Variants in YIF1B observed in about 807,000 individuals in gnomAD.
YIF1B encodes protein YIF1B.
A neutral mutation model predicts 34.6 loss-of-function variants in YIF1B; 24 were observed. The observed-to-expected ratio is 0.69, with a 90% CI of 0.50 to 0.98. The LOEUF is 0.98. Ranked by LOEUF, YIF1B falls within the 50% of genes least tolerant of loss-of-function variation. The pLI, the probability that YIF1B is intolerant of heterozygous loss-of-function variation, is 0.00. For synonymous variants in YIF1B, 186 were observed against 184.8 expected (o/e 1.01, Z -0.05); for missense variants, 368 against 429.4 (o/e 0.86, Z 1.26).
Position 38,307,608 on chromosome 19 carries a change from G to A in YIF1B, c.684C>T (p.Tyr228=), listed in dbSNP as rs1969113349. 2 of 1,613,762 alleles carry A rather than the reference G, an allele frequency of 1.2e-6. No homozygotes were observed. Among genetic ancestry groups the A allele is most frequent in the African/African-American group, 2.7e-5 (2 of 74,886 alleles). ...GCGGGGGTACTCACCCGACATATTTGTAGCCCAAGAAGGCCACCAGGTCGA... is the reference window on the plus strand; with the variant it reads ...GCGGGGGTACTCACCCGACATATTTATAGCCCAAGAAGGCCACCAGGTCGA... ...TTIDLVAFLG[Y]KYVGMIGGVL... Residue 228 remains tyrosine (Y), a synonymous_variant, in exon 6 of 8, where the codon TAC becomes TAT. Coordinates refer to ENST00000339413, the MANE Select transcript of YIF1B (RefSeq NM_001039672.3).
At position 38,315,888 on chromosome 19, in the gene YIF1B, A is replaced by AGCCGCC; in HGVS notation, c.24_29dup (p.Ala10_Ala11dup). 2.0e-6 allele frequency: 3 copies of AGCCGCC among 1,479,302 alleles called. No individual in the cohort carries two copies. Among genetic ancestry groups the AGCCGCC allele is most frequent in the Non-Finnish European group, 2.7e-6 (3 of 1,124,294 alleles). The allele number at this position is 1,479,302 out of a possible 1,614,324, so 91.6% of individuals were successfully genotyped here. A position where few individuals can be genotyped will look rare whatever the true frequency, so the allele number is the denominator to read the frequency against. On this transcript the variant is annotated inframe_insertion, in exon 1 of 8. Transcript: ENST00000339413. ...ACTTACGCAGCCGGGGCGTCCCCGC[A>AGCCGCC]GCCGCCGCCGCCAAGCCTGCCGGGT...
intron 7 of YIF1B, 52 bp downstream of exon 7, chr19:38,307,376 A>G (rs375247020): frequency 6.3e-7 from 1 of 1,586,146 alleles, no homozygotes; most frequent in Admixed American, 1.7e-5. Flanking sequence ...GGATGCCTGG[A>G]TGCCTCCGGG....
chr19:38,316,711 A>C (rs2145032068), upstream of YIF1B, among the ~76,000 whole-genome samples: 1 of 152,296 alleles, frequency 6.6e-6, no homozygotes, highest in Middle Eastern at 3.4e-3. Flanking sequence ...ATTTATTTTG[A>C]GACAGGGTCT....
chr19:38,309,389 A>T lies in YIF1B; in HGVS notation c.297+16T>A. 1 of 1,612,522 alleles carries T rather than the reference A, an allele frequency of 6.2e-7. No homozygotes were observed. Among genetic ancestry groups the T allele is most frequent in the South Asian group, 1.1e-5 (1 of 90,918 alleles). ...CCCCGTGCATCCCCCCACTCCCACC[A>T]GCCCCGCCCACTCACGTTCTTATCC... On this transcript the variant is annotated intron_variant, in intron 2 of 7. Coordinates refer to ENST00000339413, the MANE Select transcript of YIF1B (RefSeq NM_001039672.3).
At chr19:38,309,760 T>C in intron 1 of YIF1B, 117 bp from the exon 2 acceptor site, 1 of 1,450,932 alleles carries the variant, frequency 6.9e-7, no homozygotes, top group Non-Finnish European at 9.0e-7. Flanking sequence ...GTGTCACCAT[T>C]AGAGACACTG....
At chr19:38,315,724 T>C (rs369858015) in intron 1 of YIF1B, 136 bp downstream of exon 1, 4 of 1,609,676 alleles carry the variant, frequency 2.5e-6, no homozygotes, top group African/African-American at 2.7e-5. Context: ...TACCCGAACC[T>C]GGCATCCCAG....
In YIF1B at chr19:38,304,511, CTGCGGAGGGGCGGGAAGGCTGGGGT is replaced by C; in HGVS notation, c.*816_*840del. The C allele has an allele frequency of 6.4e-7, 1 of 1,563,774 alleles. No homozygotes were observed. Among genetic ancestry groups the C allele is most frequent in the Non-Finnish European group, 8.7e-7 (1 of 1,154,258 alleles). On this transcript the variant is annotated 3_prime_UTR_variant, in exon 8 of 8. Transcript: ENST00000339413. ...CAAAGGTAAGTCGCCTCATCACCGG[CTGCGGAGGGGCGGGAAGGCTGGGGT>C]TGCCCCTGACCCCAGGGTCCTGCCT...
At chr19:38,310,598 G>C (rs1312630188) in intron 1 of YIF1B, among the ~76,000 whole-genome samples, 1 of 152,004 alleles carries the variant, frequency 6.6e-6, no homozygotes, top group Non-Finnish European at 1.5e-5. Context: ...GCGAGAGGAA[G>C]GGGGGGCTAT....
intron 1 of YIF1B, among the ~76,000 whole-genome samples, chr19:38,314,597 AAGGC>A (rs968646961): frequency 6.8e-6 from 1 of 147,858 alleles, no homozygotes; most frequent in African/African-American, 2.5e-5. Context: ...TTGGGAGGCC[AAGGC>A]AGGTGGATCA....
upstream of YIF1B, among the ~76,000 whole-genome samples, chr19:38,318,386 C>T (rs1052852343): frequency 7.2e-5 from 11 of 151,888 alleles, no homozygotes; most frequent in Non-Finnish European, 1.2e-4. Flanking sequence ...TGAGCTCAAA[C>T]GATCCTCCTG....
upstream of YIF1B, chr19:38,316,062 C>G (rs2278436): frequency 1.1e-5 from 14 of 1,224,328 alleles, no homozygotes; most frequent in African/African-American, 1.6e-5. Flanking sequence ...CAGCCCCCCC[C>G]TTCACGGAGG....
rs751237883 is a variant in YIF1B at position 38,304,957 on chromosome 19, C to T, written c.*395G>A. On this transcript the variant is annotated 3_prime_UTR_variant, in exon 8 of 8. Transcript: ENST00000339413. ...GAGAAGGGCAAGAAGAAGGAGGCTCCCCACTGAAGGGCCCTGGACAGGGCT... is the reference window on the plus strand; with the variant it reads ...GAGAAGGGCAAGAAGAAGGAGGCTCTCCACTGAAGGGCCCTGGACAGGGCT... The T allele has an allele frequency of 5.9e-6, 9 of 1,527,014 alleles. No homozygotes were observed. The African/African-American group carries it at 1.1e-4, about 19-fold the overall frequency. The allele number at this position is 1,527,014 out of a possible 1,614,324, so 94.6% of individuals were successfully genotyped here.
upstream of YIF1B, chr19:38,320,394 C>A: frequency 2.9e-6 from 3 of 1,044,254 alleles, no homozygotes; most frequent in East Asian, 5.5e-5. Context: ...CTTCGGATCC[C>A]CCGAAAAGAC....
At chr19:38,317,772 G>C (rs890258041), upstream of YIF1B, among the ~76,000 whole-genome samples, 1 of 151,588 alleles carries the variant, frequency 6.6e-6, no homozygotes, top group South Asian at 2.1e-4. Context: ...TAGAGACAGG[G>C]TTTCGCCATG....
At position 38,304,972 on chromosome 19, in the gene YIF1B, T is replaced by C. The variant is rs756563479; in HGVS notation, c.*380A>G. 2 of 1,583,212 alleles carry C rather than the reference T, an allele frequency of 1.3e-6. No homozygotes were observed. Among genetic ancestry groups the C allele is most frequent in the Non-Finnish European group, 1.7e-6 (2 of 1,167,156 alleles). On this transcript the variant is annotated 3_prime_UTR_variant, in exon 8 of 8. Coordinates refer to ENST00000339413, the MANE Select transcript of YIF1B (RefSeq NM_001039672.3). The stretch of plus-strand genomic sequence containing the variant: ...AAGGAGGCTCCCCACTGAAGGGCCC[T>C]GGACAGGGCTCATTAAACCTTCCTC...
At chr19:38,320,397 G>T, upstream of YIF1B, 2 of 1,049,822 alleles carry the variant, frequency 1.9e-6, no homozygotes, top group South Asian at 1.6e-5. Flanking sequence ...CGGATCCCCC[G>T]AAAAGACCCC....
chr19:38,319,524 C>G (rs1324684195), upstream of YIF1B, among the ~76,000 whole-genome samples: 2 of 152,208 alleles, frequency 1.3e-5, no homozygotes, highest in African/African-American at 4.8e-5. Flanking sequence ...CCGTCAGCCG[C>G]GCGCCCTGAT....
rs1968986122 is a variant in YIF1B, at chr19:38,305,676, C to T, written c.790-169G>A. Among the ~76,000 whole-genome samples, 4 of 152,204 alleles carry T rather than the reference C, an allele frequency of 2.6e-5. No individual in the cohort carries two copies. In the East Asian group the frequency reaches 5.8e-4, roughly 22 times the overall value. ...TCTGCTCCCGGGGCCTCAGTTTCCC[C>T]AAACCTCCTAACATGGTGAGGATTT... On this transcript the variant is annotated intron_variant, in intron 7 of 7. Transcript: ENST00000339413.
At chr19:38,316,320 A>G (rs1969551059), upstream of YIF1B, among the ~76,000 whole-genome samples, 1 of 150,418 alleles carries the variant, frequency 6.6e-6, no homozygotes, top group Admixed American at 6.6e-5. Flanking sequence ...AGCCTGAGCA[A>G]CATAGTGACC....
Sources: allele counts gnomAD v4.1 joint callset (sites outside exome capture counted in the v4.1 genomes callset), GRCh38; gene constraint gnomAD v4.1.1; transcripts MANE v1.5; gene names NCBI Gene and HGNC (gene_info 2026-07-23, HGNC 2026-07-21).